ZNF451: variants seen among roughly 807,000 people sequenced by gnomAD.
ZNF451 encodes E3 SUMO-protein ligase ZNF451.
ZNF451 carries 80 observed loss-of-function variants against 107.1 expected under a neutral mutation model. The observed-to-expected ratio is 0.75, with a 90% CI of 0.62 to 0.90. ZNF451 has a LOEUF of 0.90. ZNF451 is among the 40% of genes least tolerant of loss of function. The pLI is 0.00. For missense variants in ZNF451, 1,107 were observed against 1,236.2 expected (o/e 0.90, Z 1.57); for synonymous variants, 362 against 406.5 (o/e 0.89, Z 1.32).
At chr6:57,095,270 T>C (rs1056488088) in intron 2 of ZNF451, among the ~76,000 whole-genome samples, 2 of 151,988 alleles carry the variant, frequency 1.3e-5, no homozygotes, top group Non-Finnish European at 2.9e-5. Flanking sequence ...ATTTGTTGAA[T>C]GTATAAATAT....
chr6:57,104,381 T>A (rs1829747802), intron 3 of ZNF451: 1 of 985,278 alleles, frequency 1.0e-6, no homozygotes, highest in African/African-American at 1.7e-5. Flanking sequence ...CATAAGTGTT[T>A]CTGACTAGCT....
intron 2 of ZNF451, among the ~76,000 whole-genome samples, chr6:57,096,176 GTTTTTTTTTTTTT>G (rs749589304): frequency 3.4e-5 from 2 of 58,462 alleles, no homozygotes; most frequent in Non-Finnish European, 6.1e-5. Context: ...CTTTCTTTCT[GTTTTTTTTTTTTT>G]TTTTTTTTTT....
rs561918042 is a variant in ZNF451, at chr6:57,148,392, C to T, written c.2307C>T (p.Asn769=). The T allele has an allele frequency of 6.3e-5, 101 of 1,613,820 alleles. 1 individual carries two copies. In the South Asian group the frequency reaches 1.1e-3, roughly 18 times the overall value. The change falls in exon 10 of 15, where the codon AAC becomes AAT. Residue 769 remains asparagine, a synonymous_variant. Coordinates refer to ENST00000370706, the MANE Select transcript of ZNF451 (RefSeq NM_001031623.3). The stretch of plus-strand genomic sequence containing the variant: ...CAGCACAGAATTTAACCGACATGAA[C>T]ACTCATATCCATCAAGTGCACAAAG... The part of the protein sequence containing the change: ...SATAQNLTDM[N]THIHQVHKEK...
intron 3 of ZNF451, chr6:57,102,886 G>C: frequency 3.0e-6 from 3 of 985,422 alleles, no homozygotes; most frequent in Non-Finnish European, 3.6e-6. Flanking sequence ...ACATGTGAGA[G>C]AATTGTTTGT....
rs1562623087 is a variant in ZNF451, at chr6:57,148,331, GA to G, written c.2250del (p.Lys750AsnfsTer16). ...SRCLQIMLDK[G>X]KLWFRCSLCS... ...TGTCTCCAAATCATGCTGGATAAAG[GA>G]AAACTGTGGTTTCGCTGCAGTTTAT... On this transcript the variant is annotated frameshift_variant, in exon 10 of 15. Transcript: ENST00000370706. LOFTEE classifies it high-confidence loss of function. 6.2e-7 allele frequency: 1 copy of G among 1,614,010 alleles called. No individual in the cohort carries two copies. Among genetic ancestry groups the G allele is most frequent in the South Asian group, 1.1e-5 (1 of 91,068 alleles).
chr6:57,122,008 G>A (rs142180503), intron 3 of ZNF451, among the ~76,000 whole-genome samples: 98 of 145,494 alleles, frequency 6.7e-4, no homozygotes, highest in African/African-American at 2.1e-3. Flanking sequence ...AAACCAGTAT[G>A]GTACTGTTAT....
At chr6:57,163,151 C>T (rs890611256) in intron 14 of ZNF451, among the ~76,000 whole-genome samples, 5 of 152,088 alleles carry the variant, frequency 3.3e-5, no homozygotes, top group South Asian at 2.1e-4. Context: ...AGAGCTAACT[C>T]GAATTTTATC....
intron 12 of ZNF451, among the ~76,000 whole-genome samples, chr6:57,152,830 G>A (rs1039799504): frequency 5.3e-5 from 8 of 152,192 alleles, no homozygotes; most frequent in African/African-American, 1.9e-4. Context: ...CTGGCCTCAA[G>A]TGATCTGCCC....
At chr6:57,126,789 A>AG (rs1441828893) in intron 4 of ZNF451, among the ~76,000 whole-genome samples, 2 of 152,116 alleles carry the variant, frequency 1.3e-5, no homozygotes, top group Non-Finnish European at 2.9e-5. Flanking sequence ...TTTGTGATAG[A>AG]GAAAAAGGGT....
chr6:57,115,503 T>C (rs1830326499), intron 3 of ZNF451: 1 of 152,230 alleles, frequency 6.6e-6, no homozygotes, highest in African/African-American at 2.4e-5. Flanking sequence ...GTGTAACCAG[T>C]ATCCTCAATA....
intron 13 of ZNF451, among the ~76,000 whole-genome samples, chr6:57,158,116 C>G (rs1286251147): frequency 6.6e-6 from 1 of 152,216 alleles, no homozygotes. Flanking sequence ...AATCTACCTG[C>G]AGTCACAGAG....
chr6:57,115,065 G>C (rs563012614), intron 3 of ZNF451: 2 of 152,352 alleles, frequency 1.3e-5, no homozygotes, highest in East Asian at 3.9e-4. Flanking sequence ...TTCAAGTCCA[G>C]CTTGGGCAAT....
chr6:57,120,646 T>C (rs1224952185), intron 3 of ZNF451, among the ~76,000 whole-genome samples: 1 of 152,258 alleles, frequency 6.6e-6, no homozygotes, highest in East Asian at 1.9e-4. Flanking sequence ...CCTAATGGCA[T>C]ATGCTGATCT....
intron 10 of ZNF451, among the ~76,000 whole-genome samples, chr6:57,149,580 G>T (rs1276770506): frequency 6.6e-6 from 1 of 151,950 alleles, no homozygotes; most frequent in African/African-American, 2.4e-5. Context: ...ACTAATTCTT[G>T]GTGAGTTATA....
intron 4 of ZNF451, among the ~76,000 whole-genome samples, chr6:57,127,947 C>A (rs538686631): frequency 6.4e-4 from 98 of 152,312 alleles, no homozygotes; most frequent in African/African-American, 2.1e-3. Context: ...AACACTGCTA[C>A]ACTCACTTGT....
intron 3 of ZNF451, chr6:57,103,291 T>C (rs1443811414): frequency 1.1e-5 from 11 of 985,354 alleles, no homozygotes; most frequent in Non-Finnish European, 1.3e-5. Flanking sequence ...CAGCTCTGTT[T>C]CTGGATATCT....
intron 7 of ZNF451, among the ~76,000 whole-genome samples, chr6:57,138,698 C>A (rs1169120761): frequency 1.8e-5 from 2 of 108,816 alleles, no homozygotes; most frequent in African/African-American, 7.2e-5. Flanking sequence ...GTATTTGCAG[C>A]TATGCCATAT....
chr6:57,119,573 T>C (rs186057436), intron 3 of ZNF451, among the ~76,000 whole-genome samples: 2 of 152,214 alleles, frequency 1.3e-5, no homozygotes, highest in African/African-American at 4.8e-5. Context: ...TTTCTTAAAA[T>C]AGACTTTTTA....
intron 2 of ZNF451, among the ~76,000 whole-genome samples, chr6:57,092,441 A>G (rs757529086): frequency 1.7e-4 from 26 of 152,144 alleles, no homozygotes; most frequent in Non-Finnish European, 3.1e-4. Flanking sequence ...TTCCCAAATA[A>G]AGGTTCAGAG....
Sources: allele counts gnomAD v4.1 joint callset (sites outside exome capture counted in the v4.1 genomes callset), GRCh38; gene constraint gnomAD v4.1.1; transcripts MANE v1.5; gene names NCBI Gene and HGNC (gene_info 2026-07-23, HGNC 2026-07-21).